Variants in SCN3A observed in about 807,000 individuals in gnomAD.
The protein encoded by SCN3A is sodium channel protein type 3 subunit alpha.
In SCN3A, 60 loss-of-function variants were observed where a neutral mutation model predicts 187.6. The observed-to-expected ratio is 0.32, with a 90% CI of 0.26 to 0.40. SCN3A has a LOEUF of 0.40. Ranked by LOEUF, SCN3A falls within the 10% of genes least tolerant of loss-of-function variation. SCN3A has a pLI of 1.00. For synonymous variants in SCN3A, 788 were observed against 829.2 expected (o/e 0.95, Z 0.85); for missense variants, 1,601 against 2,428.2 (o/e 0.66, Z 7.16).
intron 1 of SCN3A, among the ~76,000 whole-genome samples, chr2:165,191,590 C>G (rs912596635): frequency 6.6e-6 from 1 of 152,102 alleles, no homozygotes; most frequent in African/African-American, 2.4e-5. Flanking sequence ...AGCTGAATGA[C>G]TAACTCTTCT....
intron 23 of SCN3A, 66 bp downstream of exon 23, chr2:165,097,186 T>C: frequency 6.3e-7 from 1 of 1,589,512 alleles, no homozygotes; most frequent in Non-Finnish European, 8.6e-7. Flanking sequence ...ACGAAGAACA[T>C]CAGGGAAATA....
At position 165,092,679 on chromosome 2, in the gene SCN3A, TA is replaced by T. The variant is rs1000009829; in HGVS notation, c.4537-156del. On this transcript the variant is annotated intron_variant, in intron 26 of 27. Coordinates refer to ENST00000283254, the MANE Select transcript of SCN3A (RefSeq NM_006922.4). The surrounding 1 kb of genome is among the most constrained non-coding windows in gnomAD (Gnocchi z 4.2). ...TTGTGTGCTTTTTTTCTCTTCATGT[TA>T]AAAAAAATGGAAAAAAAATTTATAT... 1.5e-4 allele frequency: 110 copies of T among 729,168 alleles called. No homozygotes were observed. Among genetic ancestry groups the T allele is most frequent in the Non-Finnish European group, 2.0e-4 (93 of 453,680 alleles). The allele number at this position is 729,168 out of a possible 1,614,324, so 45.2% of individuals were successfully genotyped here. A position where few individuals can be genotyped will look rare whatever the true frequency, so the allele number is the denominator to read the frequency against.
intron 11 of SCN3A, among the ~76,000 whole-genome samples, chr2:165,149,215 GC>G (rs1688532477): frequency 6.7e-6 from 1 of 149,194 alleles, no homozygotes; most frequent in Admixed American, 6.7e-5. Context: ...TCACTCTGTC[GC>G]CCAGGCTGGA....
intron 15 of SCN3A, 152 bp downstream of exon 15, chr2:165,137,727 T>C: frequency 1.5e-6 from 1 of 682,468 alleles, no homozygotes; most frequent in Non-Finnish European, 2.6e-6. Flanking sequence ...AGGCTGTATC[T>C]CTGAGATTCC....
At chr2:165,127,184 T>C (rs1687047244) in intron 18 of SCN3A, among the ~76,000 whole-genome samples, 1 of 152,080 alleles carries the variant, frequency 6.6e-6, no homozygotes, top group South Asian at 2.1e-4. Context: ...TCAGCCTCCT[T>C]TGTAGCTGGG....
intron 23 of SCN3A, 51 bp downstream of exon 23, chr2:165,097,201 T>C (rs1438293977): frequency 6.2e-7 from 1 of 1,609,596 alleles, no homozygotes; most frequent in East Asian, 2.2e-5. Flanking sequence ...GAAATAATCT[T>C]CCTTGAAACA....
At chr2:165,157,682 A>C (rs1290087389) in intron 9 of SCN3A, among the ~76,000 whole-genome samples, 1 of 152,214 alleles carries the variant, frequency 6.6e-6, no homozygotes. Context: ...TTATGATCTT[A>C]AGTATATACC....
At chr2:165,114,008 A>T in intron 19 of SCN3A, 38 bp from the exon 20 acceptor site, 1 of 1,333,838 alleles carries the variant, frequency 7.5e-7, no homozygotes, top group Non-Finnish European at 1.0e-6. Context: ...AATATATTTT[A>T]ATCTTAAATA....
chr2:165,097,614 T>C (rs1175640477), intron 22 of SCN3A, 90 bp from the exon 23 acceptor site: 3 of 1,484,678 alleles, frequency 2.0e-6, no homozygotes, highest in Admixed American at 1.7e-5. Flanking sequence ...AATATGTGCT[T>C]GAAAAGAGTT....
intron 19 of SCN3A, 118 bp from the exon 20 acceptor site, chr2:165,114,088 C>T: frequency 4.9e-6 from 3 of 611,838 alleles, no homozygotes; most frequent in Non-Finnish European, 8.3e-6. Flanking sequence ...GTAACCATCT[C>T]CTTCATTTCC....
At position 165,088,545 on chromosome 2, in the gene SCN3A, T is replaced by C. The variant is rs1468742783; in HGVS notation, c.*1605A>G. ...GAGTGTTTGACCAATGTATCTCCTA[T>C]TGGAATGGTAGAAAATATATTATAA... On this transcript the variant is annotated 3_prime_UTR_variant, in exon 28 of 28. Transcript: ENST00000283254. 6.6e-6 allele frequency: 1 copy of C among 152,480 alleles called. No homozygotes were observed. The highest frequency in any genetic ancestry group is 1.5e-5 in the Non-Finnish European group (1 of 67,962). The allele number at this position is 152,480 out of a possible 1,614,324, so 9.4% of individuals were successfully genotyped here.
At chr2:165,111,472 A>G (rs1686110221) in intron 21 of SCN3A, among the ~76,000 whole-genome samples, 1 of 147,416 alleles carries the variant, frequency 6.8e-6, no homozygotes, top group Admixed American at 7.0e-5. Flanking sequence ...AGCCAGTCTG[A>G]TGCCAGTCTG....
chr2:165,126,593 TC>T (rs1687008209), intron 18 of SCN3A, among the ~76,000 whole-genome samples: 5 of 92,382 alleles, frequency 5.4e-5, no homozygotes, highest in African/African-American at 1.2e-4. Context: ...CCTCCCTCCC[TC>T]CCTTCGTTCC....
Position 165,089,976 on chromosome 2 carries a change from C to T in SCN3A, c.*174G>A, listed in dbSNP as rs1684997120. 1 of 837,952 alleles carries T rather than the reference C, an allele frequency of 1.2e-6. No homozygotes were observed. Among genetic ancestry groups the T allele is most frequent in the Non-Finnish European group, 1.8e-6 (1 of 554,130 alleles). 51.9% of individuals were successfully genotyped at this position (837,952 alleles called of 1,614,324 possible). A position where few individuals can be genotyped will look rare whatever the true frequency, so the allele number is the denominator to read the frequency against. ...TCTTGTCAATGTTGATACCCTGCTT[C>T]ACAGAGTTGCAGTGACAGAGAGGTC... is the stretch of plus-strand genomic sequence containing the variant. On this transcript the variant is annotated 3_prime_UTR_variant, in exon 28 of 28. Transcript: ENST00000283254.
intron 18 of SCN3A, among the ~76,000 whole-genome samples, chr2:165,118,548 T>C (rs985812967): frequency 3.9e-5 from 6 of 152,144 alleles, no homozygotes; most frequent in Non-Finnish European, 5.9e-5. Context: ...TAAAGTCAGT[T>C]TTCCCAAGTT....
chr2:165,168,370 A>G (rs1689903964), intron 5 of SCN3A, among the ~76,000 whole-genome samples: 1 of 152,060 alleles, frequency 6.6e-6, no homozygotes, highest in Admixed American at 6.6e-5. Flanking sequence ...GAATATAACA[A>G]TAATCACTAT....
intron 1 of SCN3A, among the ~76,000 whole-genome samples, chr2:165,201,864 A>G (rs896988464): frequency 1.3e-5 from 2 of 152,098 alleles, no homozygotes; most frequent in Non-Finnish European, 2.9e-5. Context: ...GAAAAATCCA[A>G]ATAAATGAGG....
chr2:165,131,004 G>T (rs1392987592), intron 16 of SCN3A, among the ~76,000 whole-genome samples: 1 of 152,018 alleles, frequency 6.6e-6, no homozygotes, highest in Non-Finnish European at 1.5e-5. Flanking sequence ...CACAGTTTTA[G>T]AAAGTACTTG....
chr2:165,160,128 C>CA lies in SCN3A; in HGVS notation c.1031+2179dup, dbSNP rs1271338496. Reference sequence around the variant, plus strand: ...TGGGCGACAGAGCTAAACTCCGTCTCAAAAAAAAACAAAAACAAAAACAAA... The same window carrying CA: ...TGGGCGACAGAGCTAAACTCCGTCTCAAAAAAAAAACAAAAACAAAAACAAA... On this transcript the variant is annotated intron_variant, in intron 9 of 27. Transcript: ENST00000283254. Among the ~76,000 whole-genome samples the CA allele has an allele frequency of 2.9e-4, 29 of 101,746 alleles. 2 individuals carry two copies. Among genetic ancestry groups the CA allele is most frequent in the African/African-American group, 4.3e-4 (9 of 20,728 alleles). The allele number at this position is 101,746 out of a possible 152,430, so 66.7% of individuals were successfully genotyped here. A position where few individuals can be genotyped will look rare whatever the true frequency, so the allele number is the denominator to read the frequency against.
Sources: allele counts gnomAD v4.1 joint callset (sites outside exome capture counted in the v4.1 genomes callset), GRCh38; gene constraint gnomAD v4.1.1; non-coding constraint Gnocchi (gnomAD v3.1); transcripts MANE v1.5; gene names NCBI Gene and HGNC (gene_info 2026-07-23, HGNC 2026-07-21).